PRH1: variants seen among roughly 807,000 people sequenced by gnomAD.
PRH1 encodes salivary acidic proline-rich phosphoprotein 1/2.
PRH1 carries 7 observed loss-of-function variants against 7.9 expected under a neutral mutation model. The observed-to-expected ratio is 0.89, with a 90% CI of 0.50 to 1.67. The LOEUF (loss-of-function observed/expected upper bound fraction) is 1.67. PRH1 is among the 40% of genes most tolerant of loss of function. The probability of loss-of-function intolerance (pLI) is 0.00; values close to 1 mark genes in which losing one functional copy is unlikely to be tolerated. For synonymous variants in PRH1, 45 were observed against 80.8 expected, an observed-to-expected ratio of 0.56 and a Z score of 2.38; for missense variants, 109 against 223.6, an observed-to-expected ratio of 0.49 and a Z score of 3.27.
chr12:10,992,291 A>T (rs951551220), intron 1 of PRH1, among the ~76,000 whole-genome samples: 2 of 152,222 alleles, frequency 1.3e-5, no homozygotes, highest in Admixed American at 6.5e-5. Context: ...ACATATATCC[A>T]TACTCTCAGA....
At chr12:10,884,339 C>T (rs562501429), upstream of PRH1, 2 of 1,179,730 alleles carry the variant, frequency 1.7e-6, no homozygotes, top group Non-Finnish European at 2.5e-6. Flanking sequence ...CTCCTCGCCT[C>T]AGAGACTGGC....
intron 1 of PRH1, among the ~76,000 whole-genome samples, chr12:11,114,496 A>G (rs765134777): frequency 2.6e-5 from 4 of 152,108 alleles, no homozygotes; most frequent in Middle Eastern, 3.2e-3. Flanking sequence ...ACGTCACACA[A>G]CTGGGCCTTT....
upstream of PRH1, among the ~76,000 whole-genome samples, chr12:10,886,641 C>T (rs1949496458): frequency 6.6e-6 from 1 of 152,180 alleles, no homozygotes; most frequent in South Asian, 2.1e-4. Flanking sequence ...CAGCACCACA[C>T]TTGCCTTCTA....
intron 1 of PRH1, chr12:11,022,744 CA>C (rs1218622155): frequency 5.2e-6 from 3 of 581,052 alleles, no homozygotes; most frequent in Non-Finnish European, 9.1e-6. Flanking sequence ...TAGATGAATT[CA>C]AAACTGTCTT....
At chr12:10,928,610 A>G (rs1950156242) in intron 2 of PRH1, among the ~76,000 whole-genome samples, 1 of 152,106 alleles carries the variant, frequency 6.6e-6, no homozygotes, top group African/African-American at 2.4e-5. Context: ...GAGTGTAGTG[A>G]GATTCACAGA....
chr12:11,039,102 T>C (rs760673786), intron 1 of PRH1, among the ~76,000 whole-genome samples: 4 of 152,218 alleles, frequency 2.6e-5, no homozygotes, highest in Non-Finnish European at 4.4e-5. Flanking sequence ...AATATAAAAA[T>C]AGTCTACAAG....
chr12:10,888,772 A>G (rs1041736436), upstream of PRH1, among the ~76,000 whole-genome samples: 1 of 152,216 alleles, frequency 6.6e-6, no homozygotes, highest in African/African-American at 2.4e-5. Context: ...TTTACTTTAC[A>G]TGTACATAGC....
chr12:11,129,584 G>A (rs1396696825), intron 1 of PRH1, among the ~76,000 whole-genome samples: 4 of 14,832 alleles, frequency 2.7e-4, no homozygotes, highest in East Asian at 0.056. Flanking sequence ...ATGGGTTATC[G>A]AATGAATGCA....
chr12:11,003,312 G>T (rs978321390), intron 1 of PRH1, among the ~76,000 whole-genome samples: 1 of 151,550 alleles, frequency 6.6e-6, no homozygotes, highest in African/African-American at 2.4e-5. Context: ...CATTATTCGG[G>T]AACCTAACAT....
intron 1 of PRH1, among the ~76,000 whole-genome samples, chr12:11,025,106 C>T (rs12368339): frequency 0.21 from 31,847 of 151,332 alleles, 3,964 homozygotes; most frequent in Non-Finnish European, 0.27. Flanking sequence ...GAAAGCTCCG[C>T]CTTCCGGGTT....
chr12:10,915,412 A>C (rs1949959764), intron 2 of PRH1, among the ~76,000 whole-genome samples: 1 of 152,238 alleles, frequency 6.6e-6, no homozygotes, highest in Non-Finnish European at 1.5e-5. Context: ...AAATATAAGA[A>C]GCAGCAGACT....
intron 2 of PRH1, among the ~76,000 whole-genome samples, chr12:10,943,007 A>C (rs751760250): frequency 3.3e-5 from 5 of 152,176 alleles, no homozygotes; most frequent in Admixed American, 6.5e-5. Flanking sequence ...GGGGCAGAGG[A>C]TCTCCCTTTC....
At chr12:11,025,859 GT>G (rs1418452720) in intron 1 of PRH1, among the ~76,000 whole-genome samples, 5 of 152,254 alleles carry the variant, frequency 3.3e-5, no homozygotes, top group African/African-American at 1.2e-4. Context: ...TTGTTTTAGT[GT>G]TCAGAATAAT....
At chr12:11,083,276 A>T (rs1470719183) in intron 1 of PRH1, among the ~76,000 whole-genome samples, 1 of 144,802 alleles carries the variant, frequency 6.9e-6, no homozygotes, top group African/African-American at 2.5e-5. Context: ...AGATGCTCAA[A>T]ATCTGATGTT....
At chr12:10,997,744 A>G in intron 1 of PRH1, 2 of 1,613,986 alleles carry the variant, frequency 1.2e-6, no homozygotes, top group Admixed American at 1.7e-5. Context: ...TAATTTGATC[A>G]GCTGAGGAGA....
intron 1 of PRH1, among the ~76,000 whole-genome samples, chr12:10,975,750 GA>G (rs71051551): frequency 0.3 from 43,760 of 145,162 alleles, 8,170 homozygotes; most frequent in East Asian, 0.74. Flanking sequence ...ATAAAAAATA[GA>G]AAAAAAAAAA....
intron 2 of PRH1, chr12:10,964,401 C>T (rs376815627): frequency 1.1e-4 from 25 of 229,494 alleles, no homozygotes; most frequent in Admixed American, 9.7e-4. Context: ...TGGAGACACA[C>T]GATGTCCCAC....
intron 1 of PRH1, among the ~76,000 whole-genome samples, chr12:11,130,044 G>T (rs1946284864): frequency 6.6e-6 from 1 of 152,166 alleles, no homozygotes; most frequent in Admixed American, 6.5e-5. Flanking sequence ...CCAGCTGCCA[G>T]CAATGCCGAA....
intron 1 of PRH1, among the ~76,000 whole-genome samples, chr12:11,019,724 A>G (rs1029350748): frequency 6.6e-6 from 1 of 152,292 alleles, no homozygotes; most frequent in African/African-American, 2.4e-5. Context: ...AAAGTTTGCT[A>G]GCTTTTATTT....
Sources: gnomAD v4.1 joint callset for allele counts (sites outside exome capture counted in the v4.1 genomes callset) on GRCh38, gnomAD v4.1.1 for gene constraint, MANE v1.5 for transcripts, NCBI Gene and HGNC (gene_info 2026-07-23, HGNC 2026-07-21) for gene names.